CP: variants seen among roughly 807,000 people sequenced by gnomAD.
CP encodes the protein caeruloplasmin.
CP carries 64 observed loss-of-function variants against 122.4 expected under a neutral mutation model. The observed-to-expected ratio is 0.52, with a 90% CI of 0.43 to 0.64. The LOEUF is 0.64. Among genes scored for constraint, CP ranks in the 30% least tolerant of loss-of-function variants. The pLI is 0.00. For missense variants in CP, 1,167 were observed against 1,284.4 expected (o/e 0.91, Z 1.40); for synonymous variants, 440 against 436.4 (o/e 1.01, Z -0.10).
Position 149,209,242 on chromosome 3 carries a change from G to A in CP, c.750C>T (p.Asn250=), listed in dbSNP as rs753021289. 77 of 1,613,652 alleles carry A rather than the reference G, an allele frequency of 4.8e-5. No individual in the cohort carries two copies. The highest frequency in any genetic ancestry group is 4.4e-4 in the South Asian group (40 of 91,062). The part of the protein sequence containing the change: ...CSEPEKVDKD[N]EDFQESNRMY... ...TTCTGTTACTCTCCTGGAAGTCTTC[G>A]TTGTCTTTGTCAACTTTCTCTGGTT... Residue 250 remains asparagine (N), a synonymous_variant, in exon 4 of 19, where the codon AAC becomes AAT. Transcript: ENST00000264613.
chr3:149,198,660 T>C (rs755119733), intron 8 of CP, 82 bp from the exon 9 acceptor site: 92 of 1,145,692 alleles, frequency 8.0e-5, no homozygotes, highest in Non-Finnish European at 1.2e-4. Context: ...AAGTTTAGTC[T>C]AGAATAGCCC....
chr3:149,167,823 T>C (rs1724578213), downstream of CP: 2 of 945,672 alleles, frequency 2.1e-6, no homozygotes, highest in African/African-American at 3.2e-5. Context: ...TGCACAATCT[T>C]CTTATTCTCC....
rs1724499192 is a variant in CP, at chr3:149,167,096, A to G, written c.587-1046T>C. On this transcript the variant is annotated intron_variant, in intron 4 of 5. Coordinates refer to the CP transcript ENST00000479771. ...TTATTCCGTTCTTGGAGCCACTTTC[A>G]GAAGACACTATTGCCGGCCTCAGTG... The G allele has an allele frequency of 6.2e-7, 1 of 1,613,780 alleles. No individual in the cohort carries two copies. The highest frequency in any genetic ancestry group is 1.1e-5 in the South Asian group (1 of 91,078).
downstream of CP, among the ~76,000 whole-genome samples, chr3:149,171,289 T>A (rs946156523): frequency 6.0e-5 from 9 of 148,798 alleles, no homozygotes; most frequent in African/African-American, 1.5e-4. Context: ...AAAAAAAAAA[T>A]ATATTGTTCA....
intron 1 of CP, among the ~76,000 whole-genome samples, chr3:149,214,050 C>G (rs1246011715): frequency 6.6e-6 from 1 of 152,194 alleles, no homozygotes; most frequent in African/African-American, 2.4e-5. Context: ...AACCAACACA[C>G]TGGTGTGTTT....
intron 5 of CP, 86 bp downstream of exon 5, chr3:149,207,277 A>G: frequency 6.5e-7 from 1 of 1,536,790 alleles, no homozygotes; most frequent in Non-Finnish European, 9.0e-7. Flanking sequence ...AGCTCAGATT[A>G]TTTCAAAGAT....
intron 4 of CP, among the ~76,000 whole-genome samples, chr3:149,166,603 G>A (rs1344059385): frequency 2.0e-5 from 3 of 152,088 alleles, no homozygotes; most frequent in Admixed American, 2.0e-4. Flanking sequence ...CATTATCTGA[G>A]TGTGCCATAT....
chr3:149,210,896 AT>A (rs1728059314), intron 2 of CP, among the ~76,000 whole-genome samples: 1 of 152,160 alleles, frequency 6.6e-6, no homozygotes, highest in African/African-American at 2.4e-5. Flanking sequence ...ACACACTCTT[AT>A]CCCCAGTATC....
At chr3:149,214,130 G>C (rs993823325) in intron 1 of CP, among the ~76,000 whole-genome samples, 7 of 152,166 alleles carry the variant, frequency 4.6e-5, no homozygotes, top group African/African-American at 1.4e-4. Context: ...AAGATTAAGA[G>C]AGCTGCCCAA....
chr3:149,172,269 T>C (rs1394432520), downstream of CP: 6 of 1,568,220 alleles, frequency 3.8e-6, no homozygotes, highest in Non-Finnish European at 5.2e-6. Context: ...ACTGAATTTC[T>C]AAAAATTGAA....
Position 149,188,112 on chromosome 3 carries a change from T to C in CP, c.1804A>G (p.Thr602Ala). The C allele has an allele frequency of 1.2e-6, 2 of 1,612,532 alleles. No individual in the cohort carries two copies. The highest frequency in any genetic ancestry group is 1.7e-6 in the Non-Finnish European group (2 of 1,179,736). The change falls in exon 10 of 19, where the codon ACT becomes GCT. Residue 602 changes from threonine (T) to alanine (A), a missense_variant. Thr to Ala is a moderately conservative substitution (Grantham distance 58). Coordinates refer to ENST00000264613, the MANE Select transcript of CP (RefSeq NM_000096.4). ...LLEDNIRMFT[T>A]APDQVDKEDE... Reference sequence around the variant, plus strand: ...TCCTTATCCACCTGATCAGGTGCAGTTGTAAACATTCTAATATTATCTTCC... The same window carrying C: ...TCCTTATCCACCTGATCAGGTGCAGCTGTAAACATTCTAATATTATCTTCC...
chr3:149,162,521 GAA>G (rs1559923024), exon 6 of CP: 1 of 931,648 alleles, frequency 1.1e-6, no homozygotes, highest in East Asian at 2.6e-5. Context: ...GTACATCCTA[GAA>G]TCTGTTTCCT....
Position 149,166,974 on chromosome 3 carries a change from A to G in CP, c.587-924T>C. 2.4e-6 allele frequency: 3 copies of G among 1,265,882 alleles called. No individual in the cohort carries two copies. In the Admixed American group the frequency reaches 5.0e-5, roughly 21 times the overall value. The allele number at this position is 1,265,882 out of a possible 1,614,324, so 78.4% of individuals were successfully genotyped here. A position where few individuals can be genotyped will look rare whatever the true frequency, so the allele number is the denominator to read the frequency against. ...TTAGTCTTAAGAAATTGAATTCTGC[A>G]TGTTGTGTTTTAGTTTTTGAGGTGC... On this transcript the variant is annotated intron_variant, in intron 4 of 5. Transcript: ENST00000479771.
At chr3:149,181,908 A>G in intron 14 of CP, 97 bp downstream of exon 14, 1 of 1,390,972 alleles carries the variant, frequency 7.2e-7, no homozygotes, top group Non-Finnish European at 1.0e-6. Flanking sequence ...CTCCCTTTTC[A>G]CTTTCTTGGT....
intron 7 of CP, 55 bp downstream of exon 7, chr3:149,202,047 T>A: frequency 6.2e-7 from 1 of 1,610,356 alleles, no homozygotes; most frequent in South Asian, 1.1e-5. Flanking sequence ...CTTTCTGAGG[T>A]TGATGTAGCC....
intron 17 of CP, 127 bp downstream of exon 17, chr3:149,177,713 C>T (rs568982869): frequency 1.5e-4 from 150 of 978,090 alleles, no homozygotes; most frequent in Middle Eastern, 6.8e-4. Context: ...GGGGAATCCA[C>T]GGATATGAAG....
At chr3:149,208,969 A>C (rs1727929382) in intron 4 of CP, among the ~76,000 whole-genome samples, 1 of 152,230 alleles carries the variant, frequency 6.6e-6, no homozygotes, top group African/African-American at 2.4e-5. Flanking sequence ...CATATGCATT[A>C]AACCATAATT....
intron 17 of CP, among the ~76,000 whole-genome samples, chr3:149,177,452 C>T (rs1472809611): frequency 1.3e-5 from 2 of 152,068 alleles, no homozygotes; most frequent in African/African-American, 4.8e-5. Context: ...TCAGGAATGC[C>T]CCCATACCAA....
rs761541677 is a variant in CP, at chr3:149,163,982, T to C, written c.*14-1107A>G. ...AAAATACCTCCTTTTCTTATGAAAT[T>C]GCATATTACAATATAGTGTAAGATT... On this transcript the variant is annotated intron_variant, in intron 5 of 5. Coordinates refer to the CP transcript ENST00000479771. 1.2e-5 allele frequency: 13 copies of C among 1,041,000 alleles called. No individual in the cohort carries two copies. The Admixed American group carries it at 2.2e-4, about 18-fold the overall frequency. The allele number at this position is 1,041,000 out of a possible 1,614,324, so 64.5% of individuals were successfully genotyped here.
Sources: allele counts gnomAD v4.1 joint callset (sites outside exome capture counted in the v4.1 genomes callset), GRCh38; gene constraint gnomAD v4.1.1; transcripts MANE v1.5; gene names NCBI Gene and HGNC (gene_info 2026-07-23, HGNC 2026-07-21).